The following TMEM63B variants were observed in gnomAD, a reference collection of about 807,000 sequenced individuals.
The protein encoded by TMEM63B is mechanosensitive cation channel TMEM63B.
Under a neutral mutation model 102.6 loss-of-function variants are expected in TMEM63B, and 23 were observed. The ratio of observed to expected loss-of-function variants is 0.22; its 90% CI spans 0.16 to 0.32. The LOEUF (loss-of-function observed/expected upper bound fraction) is 0.32. TMEM63B is among the 10% of genes least tolerant of loss of function. The pLI is 1.00. For missense variants in TMEM63B, 628 were observed against 1,095.9 expected, an observed-to-expected ratio of 0.57 and a Z score of 6.03; for synonymous variants, 444 against 437.0, an observed-to-expected ratio of 1.02 and a Z score of -0.20.
intron 6 of TMEM63B, chr6:44,138,775 G>A (rs896645097): frequency 5.2e-6 from 2 of 386,680 alleles, no homozygotes; most frequent in African/African-American, 4.8e-5. Flanking sequence ...CACCTTGAGG[G>A]AGGGGGTGGA....
intron 21 of TMEM63B, 84 bp from the exon 22 acceptor site, chr6:44,153,989 A>T: frequency 1.3e-6 from 2 of 1,556,430 alleles, no homozygotes; most frequent in Non-Finnish European, 1.8e-6. Flanking sequence ...TGGGAGAGTG[A>T]GGACTGCATT....
At position 44,148,580 on chromosome 6, in the gene TMEM63B, T is replaced by C. The variant is rs1765903631; in HGVS notation, c.1189T>C (p.Ser397Pro). Residue 397 changes from serine (S) to proline (P), a missense_variant, in exon 14 of 24, where the codon TCC becomes CCC. Transcript: ENST00000323267. This position sits in a 1 kb window ranked among gnomAD's most constrained non-coding sequence, Gnocchi z 5.1. The stretch of plus-strand genomic sequence containing the variant: ...CTGCCGTGGGGAGCCACGCCCCTCA[T>C]CCTGCAGCGAGTCCCTGCACATCTC... Reference protein sequence around the residue: ...CTCRGEPRPSSCSESLHISNW... With the variant: ...CTCRGEPRPSPCSESLHISNW... The C allele has an allele frequency of 2.5e-6, 4 of 1,614,106 alleles. No homozygotes were observed. The highest frequency in any genetic ancestry group is 3.4e-6 in the Non-Finnish European group (4 of 1,180,052).
chr6:44,134,808 C>T, intron 2 of TMEM63B, 65 bp downstream of exon 2: 6 of 1,564,826 alleles, frequency 3.8e-6, no homozygotes, highest in Non-Finnish European at 4.3e-6. Context: ...CAAACACTTC[C>T]AGCTCTAACC....
In TMEM63B at chr6:44,154,701, G is replaced by A; in HGVS notation, c.2317G>A (p.Ala773Thr). ...TCCTCTCCTCCTTCAGAAATACATC[G>A]CTCAGGTGCTGCAGGACTCAGAGGT... ...AAVPKSAKYIAQVLQDSEVDG... is the reference protein window; with the variant it reads ...AAVPKSAKYITQVLQDSEVDG... The change falls in exon 24 of 24, where the codon GCT becomes ACT. Residue 773 changes from alanine to threonine, a missense_variant. Coordinates refer to ENST00000323267, the MANE Select transcript of TMEM63B (RefSeq NM_018426.3). The A allele has an allele frequency of 1.3e-6, 2 of 1,551,160 alleles. No individual in the cohort carries two copies. Among genetic ancestry groups the A allele is most frequent in the Non-Finnish European group, 1.7e-6 (2 of 1,151,286 alleles).
In TMEM63B at chr6:44,138,405, G is replaced by C. The variant is rs1763441570; in HGVS notation, c.370-75G>C. Reference sequence around the variant, plus strand: ...ATGCCTGGAGGTAATTATGAGAATGGGTGGGACTTGAGGGAGGAGAGAGGT... The same window carrying C: ...ATGCCTGGAGGTAATTATGAGAATGCGTGGGACTTGAGGGAGGAGAGAGGT... On this transcript the variant is annotated intron_variant, in intron 5 of 23. Transcript: ENST00000323267. The C allele has an allele frequency of 4.4e-6, 7 of 1,585,164 alleles. 1 individual carries two copies. The South Asian group carries it at 7.7e-5, about 18-fold the overall frequency.
intron 2 of TMEM63B, 121 bp downstream of exon 2, chr6:44,134,864 C>G (rs551299979): frequency 5.2e-5 from 77 of 1,490,862 alleles, no homozygotes; most frequent in Non-Finnish European, 6.2e-5. Context: ...AGGAGGAGTC[C>G]CCATCATCCA....
chr6:44,140,919 T>C, intron 9 of TMEM63B, 109 bp from the exon 10 acceptor site: 1 of 926,748 alleles, frequency 1.1e-6, no homozygotes, highest in Non-Finnish European at 1.7e-6. Context: ...CACCTACTTC[T>C]CTACCCACTC....
In TMEM63B at chr6:44,151,873, C is replaced by G; in HGVS notation, c.1701C>G (p.Ala567=). ...FECVFLPDNG[A]FFVNYVIASA... ...GTGTGTTCCTGCCCGACAACGGCGC[C>G]TTCTTCGTGAACTACGTCATTGCCT... The change falls in exon 19 of 24, where the codon GCC becomes GCG. Residue 567 remains alanine (A), a synonymous_variant. Coordinates refer to ENST00000323267, the MANE Select transcript of TMEM63B (RefSeq NM_018426.3). 1.2e-6 allele frequency: 2 copies of G among 1,612,954 alleles called. No homozygotes were observed. Among genetic ancestry groups the G allele is most frequent in the South Asian group, 2.2e-5 (2 of 90,950 alleles).
intron 18 of TMEM63B, 68 bp from the exon 19 acceptor site, chr6:44,151,778 T>C: frequency 6.6e-7 from 1 of 1,512,010 alleles, no homozygotes; most frequent in Non-Finnish European, 8.9e-7. Context: ...GTGCTGTAGT[T>C]CTGGCAGTGG....
chr6:44,132,126 C>T (rs1762069958), intron 1 of TMEM63B, among the ~76,000 whole-genome samples: 1 of 152,214 alleles, frequency 6.6e-6, no homozygotes, highest in Non-Finnish European at 1.5e-5. Context: ...TGTCCTGTCA[C>T]TGTGCAAGTT....
chr6:44,134,612 G>C lies in TMEM63B; in HGVS notation c.28G>C (p.Gly10Arg), dbSNP rs1364143713. MLPFLLATLGTTALNNSNPK... is the reference protein window; with the variant it reads MLPFLLATLRTTALNNSNPK... ...GCTGCCCTTTCTGCTGGCCACACTGGGCACCACAGCCCTCAACAACAGCAA... is the reference window on the plus strand; with the variant it reads ...GCTGCCCTTTCTGCTGGCCACACTGCGCACCACAGCCCTCAACAACAGCAA... Residue 10 changes from glycine to arginine, a missense_variant, in exon 2 of 24, where the codon GGC (glycine) becomes CGC (arginine). Physicochemically the swap from Gly to Arg is moderately radical, Grantham distance 125 (BLOSUM62 -2). This residue lies in a region of TMEM63B where 336 missense variants were observed against 580.3 expected (regional missense o/e 0.58). Transcript: ENST00000323267. 1.9e-6 allele frequency: 3 copies of C among 1,614,104 alleles called. No homozygotes were observed. The East Asian group carries it at 6.7e-5, about 36-fold the overall frequency.
At chr6:44,136,048 C>T (rs901765639) in intron 4 of TMEM63B, among the ~76,000 whole-genome samples, 6 of 152,200 alleles carry the variant, frequency 3.9e-5, no homozygotes, top group African/African-American at 1.4e-4. Flanking sequence ...TCTGGAACTG[C>T]AGGGCCCTCT....
At chr6:44,138,670 G>A (rs988260185) in intron 6 of TMEM63B, 153 bp downstream of exon 6, 7 of 824,676 alleles carry the variant, frequency 8.5e-6, no homozygotes, top group African/African-American at 1.7e-5. Context: ...AGCCTCGGGT[G>A]CCTGAGCCTC....
chr6:44,127,784 C>T (rs1260374678), intron 1 of TMEM63B, 106 bp downstream of exon 1: 1 of 151,930 alleles, frequency 6.6e-6, no homozygotes, highest in Admixed American at 6.6e-5. Flanking sequence ...CTTCAACCTC[C>T]TGCGGGACCC....
intron 9 of TMEM63B, 156 bp downstream of exon 9, chr6:44,140,516 C>G (rs780977622): frequency 2.8e-6 from 2 of 701,998 alleles, no homozygotes; most frequent in Admixed American, 4.0e-5. Context: ...CATAACCTCC[C>G]AAGCCATGAT....
chr6:44,146,217 A>C (rs561709765), intron 10 of TMEM63B, among the ~76,000 whole-genome samples: 5 of 152,090 alleles, frequency 3.3e-5, no homozygotes, highest in Admixed American at 6.5e-5. Flanking sequence ...TTTTCAACCT[A>C]AAGGTCACAG....
At chr6:44,129,421 C>T (rs1413955023) in intron 1 of TMEM63B, among the ~76,000 whole-genome samples, 11 of 151,610 alleles carry the variant, frequency 7.3e-5, no homozygotes, top group Non-Finnish European at 1.6e-4. Context: ...GTTACTACCA[C>T]CTCCTTACAA....
At chr6:44,136,515 T>A in intron 5 of TMEM63B, 76 bp downstream of exon 5, 1 of 1,024,494 alleles carries the variant, frequency 9.8e-7, no homozygotes, top group Non-Finnish European at 1.5e-6. Context: ...TCCCTCACTT[T>A]CAGTGATGTG....
At position 44,154,873 on chromosome 6, in the gene TMEM63B, T is replaced by C; in HGVS notation, c.2489T>C (p.Ile830Thr). 1 of 1,566,722 alleles carries C rather than the reference T, an allele frequency of 6.4e-7. No individual in the cohort carries two copies. The highest frequency in any genetic ancestry group is 2.3e-5 in the East Asian group (1 of 43,520). Residue 830 changes from isoleucine (I) to threonine (T), a missense_variant, in exon 24 of 24, where the codon ATT becomes ACT. Physicochemically the swap from Ile to Thr is moderately conservative, Grantham distance 89. This residue lies in a region of TMEM63B where 129 missense variants were observed against 153.5 expected (regional missense o/e 0.84). Coordinates refer to ENST00000323267, the MANE Select transcript of TMEM63B (RefSeq NM_018426.3). ...SCEDSLIENE[I>T]HQ is the part of the protein sequence containing the mutation. The stretch of plus-strand genomic sequence containing the variant: ...GAGGACAGCCTCATAGAGAATGAGA[T>C]TCACCAGTAAGGGGAGGGAGGGGCC...
Sources: allele counts gnomAD v4.1 joint callset (sites outside exome capture counted in the v4.1 genomes callset), GRCh38; gene constraint gnomAD v4.1.1; regional missense constraint gnomAD v4.1.1; non-coding constraint Gnocchi (gnomAD v3.1); transcripts MANE v1.5; gene names NCBI Gene and HGNC (gene_info 2026-07-23, HGNC 2026-07-21).